Variants in FGF12 observed in about 807,000 individuals in gnomAD.
FGF12 encodes fibroblast growth factor 12B.
FGF12 carries 14 observed loss-of-function variants against 23.6 expected under a neutral mutation model. The ratio of observed to expected loss-of-function variants is 0.59; its 90% confidence interval spans 0.39 to 0.93. FGF12 has a LOEUF of 0.93. Among genes scored for constraint, FGF12 ranks in the 40% least tolerant of loss-of-function variants. FGF12 has a pLI of 0.00. For synonymous variants in FGF12, 62 were observed against 77.3 expected (o/e 0.80, Z 1.04); for missense variants, 175 against 217.8 (o/e 0.80, Z 1.24).
In FGF12 at chr3:192,727,234, G is replaced by A. The variant is rs1454838312; in HGVS notation, c.-41C>T. Reference sequence around the variant, plus strand: ...GTGCTGGGAAGTTCAATGGAAGTTGGCCGGAAGATGTGGGCCCGCTTCAGA... The same window carrying A: ...GTGCTGGGAAGTTCAATGGAAGTTGACCGGAAGATGTGGGCCCGCTTCAGA... On this transcript the variant is annotated 5_prime_UTR_variant, in exon 2 of 6. Transcript: ENST00000445105. 3 of 1,569,706 alleles carry A rather than the reference G, an allele frequency of 1.9e-6. No individual in the cohort carries two copies. Among genetic ancestry groups the A allele is most frequent in the African/African-American group, 1.4e-5 (1 of 73,842 alleles).
intron 2 of FGF12, among the ~76,000 whole-genome samples, chr3:192,670,380 A>G (rs902794886): frequency 2.0e-5 from 3 of 152,124 alleles, no homozygotes; most frequent in Non-Finnish European, 2.9e-5. Context: ...GGTATTAATA[A>G]ATATAAATCA....
chr3:192,532,023 T>C (rs1390066818), intron 2 of FGF12, among the ~76,000 whole-genome samples: 1 of 152,224 alleles, frequency 6.6e-6, no homozygotes, highest in Admixed American at 6.5e-5. Context: ...CCCCAATTTA[T>C]GTATTTGTAT....
intron 5 of FGF12, among the ~76,000 whole-genome samples, chr3:192,165,984 G>C (rs559453707): frequency 6.6e-6 from 1 of 152,220 alleles, no homozygotes; most frequent in Non-Finnish European, 1.5e-5. Flanking sequence ...GATAACATAC[G>C]CAACCTGGCT....
At position 192,459,441 on chromosome 3, in the gene FGF12, T is replaced by G. The variant is rs181075565; in HGVS notation, c.14-98903A>C. Among the ~76,000 whole-genome samples, 181 of 152,362 alleles carry G rather than the reference T, an allele frequency of 1.2e-3. 1 individual carries two copies. Among genetic ancestry groups the G allele is most frequent in the Non-Finnish European group, 2.0e-3 (136 of 68,030 alleles). ...TCAACTTAAATTGTTTAACTCGCAT[T>G]TGTTATGATGCTACATTCAAAATGA... On this transcript the variant is annotated intron_variant, in intron 2 of 5. Coordinates refer to ENST00000445105, the MANE Select transcript of FGF12 (RefSeq NM_004113.6).
intron 2 of FGF12, among the ~76,000 whole-genome samples, chr3:192,720,999 C>A (rs1719022370): frequency 6.6e-6 from 1 of 152,184 alleles, no homozygotes; most frequent in African/African-American, 2.4e-5. Flanking sequence ...CATCCCCAAA[C>A]CCATAAGATG....
intron 5 of FGF12, among the ~76,000 whole-genome samples, chr3:192,158,541 G>GCCCTCCCTCTCT (rs1714650783): frequency 2.0e-5 from 1 of 50,238 alleles, no homozygotes; most frequent in Non-Finnish European, 3.8e-5. Context: ...CCTTCCTCCC[G>GCCCTCCCTCTCT]CCCTCCCTCT....
At position 192,581,466 on chromosome 3, in the gene FGF12, GTA is replaced by G. The variant is rs202156374; in HGVS notation, c.13+145713_13+145714del. ...TATATATGTGTGTGTATATATATAT[GTA>G]TATATATGTGTGTGTGTGTATATAT... On this transcript the variant is annotated intron_variant, in intron 2 of 5. Transcript: ENST00000445105. Among the ~76,000 whole-genome samples the G allele has an allele frequency of 3.3e-3, 336 of 100,374 alleles. 2 individuals carry two copies. The highest frequency in any genetic ancestry group is 5.7e-3 in the Admixed American group (47 of 8,196). 65.8% of individuals were successfully genotyped at this position (100,374 alleles called of 152,430 possible).
chr3:192,357,289 C>T (rs1415265356), intron 3 of FGF12, among the ~76,000 whole-genome samples: 1 of 152,108 alleles, frequency 6.6e-6, no homozygotes, highest in Non-Finnish European at 1.5e-5. Context: ...CGAGACCATC[C>T]TGGCCAACAT....
At chr3:192,221,474 G>A (rs1311183182) in intron 4 of FGF12, among the ~76,000 whole-genome samples, 4 of 152,156 alleles carry the variant, frequency 2.6e-5, no homozygotes, top group Non-Finnish European at 5.9e-5. Flanking sequence ...ACAGCGCAGG[G>A]ATGTGATCAG....
At chr3:192,424,495 T>C (rs1721634023) in intron 2 of FGF12, among the ~76,000 whole-genome samples, 1 of 152,198 alleles carries the variant, frequency 6.6e-6, no homozygotes, top group Admixed American at 6.5e-5. Context: ...TTGCAGCATC[T>C]GATAGTCACA....
chr3:192,212,882 G>A (rs950597335), intron 4 of FGF12, among the ~76,000 whole-genome samples: 8 of 152,112 alleles, frequency 5.3e-5, no homozygotes, highest in African/African-American at 1.9e-4. Flanking sequence ...AGACAATCTC[G>A]TTAGCATCAG....
intron 2 of FGF12, among the ~76,000 whole-genome samples, chr3:192,603,469 T>C (rs1344769184): frequency 6.6e-6 from 1 of 152,114 alleles, no homozygotes; most frequent in African/African-American, 2.4e-5. Flanking sequence ...TATCTAGGGA[T>C]GTATTGGGGG....
chr3:192,503,160 G>T (rs773822653), intron 2 of FGF12, among the ~76,000 whole-genome samples: 20 of 152,190 alleles, frequency 1.3e-4, no homozygotes, highest in Non-Finnish European at 2.6e-4. Context: ...CAGAAAAACA[G>T]CAAGAAAATG....
At chr3:192,182,704 T>C (rs1338979701) in intron 4 of FGF12, among the ~76,000 whole-genome samples, 1 of 152,318 alleles carries the variant, frequency 6.6e-6, no homozygotes, top group East Asian at 1.9e-4. Context: ...CTTTGAACTC[T>C]ACTCGCTTCA....
At chr3:192,710,201 C>G (rs1363443565) in intron 2 of FGF12, among the ~76,000 whole-genome samples, 1 of 152,196 alleles carries the variant, frequency 6.6e-6, no homozygotes, top group Non-Finnish European at 1.5e-5. Context: ...AATGCTACAT[C>G]AAGCACTTCT....
chr3:192,567,802 TC>T (rs1450350559), intron 2 of FGF12, among the ~76,000 whole-genome samples: 8 of 127,134 alleles, frequency 6.3e-5, no homozygotes, highest in African/African-American at 2.0e-4. Flanking sequence ...TCTTTCTTTC[TC>T]TTTCTTTCTT....
chr3:192,581,296 T>G (rs1380668163), intron 2 of FGF12, among the ~76,000 whole-genome samples: 2 of 151,928 alleles, frequency 1.3e-5, no homozygotes, highest in Non-Finnish European at 2.9e-5. Context: ...CCGGGCATAG[T>G]GGCTTATGCC....
intron 2 of FGF12, among the ~76,000 whole-genome samples, chr3:192,436,616 T>A (rs1385763281): frequency 6.6e-6 from 1 of 152,234 alleles, no homozygotes; most frequent in Non-Finnish European, 1.5e-5. Flanking sequence ...CTAAGGTGTA[T>A]CCAGGCTGGA....
At chr3:192,704,397 C>T (rs1422884244) in intron 2 of FGF12, among the ~76,000 whole-genome samples, 2 of 152,074 alleles carry the variant, frequency 1.3e-5, no homozygotes, top group Admixed American at 6.6e-5. Context: ...TCTTGGATGA[C>T]CAGGTGCATT....
Sources: allele counts gnomAD v4.1 joint callset (sites outside exome capture counted in the v4.1 genomes callset), GRCh38; gene constraint gnomAD v4.1.1; transcripts MANE v1.5; gene names NCBI Gene and HGNC (gene_info 2026-07-23, HGNC 2026-07-21).